The following FBXL17 variants were observed in gnomAD, a reference collection of about 807,000 sequenced individuals.
FBXL17 encodes F-box/LRR-repeat protein 17.
Under a neutral mutation model 66.2 loss-of-function variants are expected in FBXL17, and 22 were observed. The observed-to-expected ratio is 0.33, with a 90% CI of 0.24 to 0.47. FBXL17 has a LOEUF of 0.47. Among genes scored for constraint, FBXL17 ranks in the 20% least tolerant of loss-of-function variants. The pLI is 1.00. For synonymous variants in FBXL17, 474 were observed against 400.5 expected, an observed-to-expected ratio of 1.18 and a Z score of -2.19; for missense variants, 878 against 948.2, an observed-to-expected ratio of 0.93 and a Z score of 0.97.
chr5:107,936,534 C>A (rs941816155), intron 7 of FBXL17, among the ~76,000 whole-genome samples: 2 of 69,112 alleles, frequency 2.9e-5, no homozygotes, highest in Admixed American at 1.5e-4. Context: ...CCACCTTCTA[C>A]CTTGGCAGAT....
At chr5:108,160,226 CA>C (rs1752155687) in intron 6 of FBXL17, among the ~76,000 whole-genome samples, 1 of 152,056 alleles carries the variant, frequency 6.6e-6, no homozygotes, top group African/African-American at 2.4e-5. Context: ...TCTGCAGCAC[CA>C]AAGGCTTTTA....
At chr5:108,338,687 G>A (rs556413794) in intron 4 of FBXL17, among the ~76,000 whole-genome samples, 2 of 152,084 alleles carry the variant, frequency 1.3e-5, no homozygotes, top group African/African-American at 4.8e-5. Context: ...AAACAGTATG[G>A]ACTTATCTGG....
At chr5:108,331,095 T>C (rs188613160) in intron 4 of FBXL17, among the ~76,000 whole-genome samples, 308 of 152,272 alleles carry the variant, frequency 2.0e-3, no homozygotes, top group Non-Finnish European at 3.4e-3. Context: ...ATAAATACAA[T>C]TGATCATAAC....
intron 7 of FBXL17, among the ~76,000 whole-genome samples, chr5:108,018,104 A>G (rs1027008430): frequency 6.6e-6 from 1 of 152,136 alleles, no homozygotes; most frequent in Non-Finnish European, 1.5e-5. Flanking sequence ...ACCCACCACC[A>G]TAGAAAGAGG....
intron 8 of FBXL17, among the ~76,000 whole-genome samples, chr5:107,868,575 T>C (rs564042389): frequency 6.6e-6 from 1 of 152,318 alleles, no homozygotes; most frequent in Non-Finnish European, 1.5e-5. Flanking sequence ...TAAAAACACT[T>C]TCCCTTGTTA....
intron 6 of FBXL17, among the ~76,000 whole-genome samples, chr5:108,049,496 A>G (rs147014751): frequency 4.9e-4 from 74 of 152,190 alleles, no homozygotes; most frequent in African/African-American, 1.7e-3. Flanking sequence ...TAACCTTCAT[A>G]AGTGAAGGAT....
chr5:108,298,321 G>T (rs1758433272), intron 4 of FBXL17: 1 of 983,956 alleles, frequency 1.0e-6, no homozygotes, highest in South Asian at 4.7e-5. Flanking sequence ...AAAACAGAAA[G>T]CACTGAGAAA....
At chr5:108,008,888 A>G (rs1754037943) in intron 7 of FBXL17, among the ~76,000 whole-genome samples, 1 of 152,060 alleles carries the variant, frequency 6.6e-6, no homozygotes, top group African/African-American at 2.4e-5. Flanking sequence ...TTTATTTCTA[A>G]TAGTAGAACA....
intron 6 of FBXL17, among the ~76,000 whole-genome samples, chr5:108,057,543 A>G (rs902956606): frequency 6.6e-6 from 1 of 152,176 alleles, no homozygotes; most frequent in Admixed American, 6.5e-5. Flanking sequence ...TTTCTGATGC[A>G]TGGATTTGAT....
At chr5:107,959,381 AACAC>A (rs57041975) in intron 7 of FBXL17, among the ~76,000 whole-genome samples, 28,955 of 147,848 alleles carry the variant, frequency 0.2, 3,131 homozygotes, top group Middle Eastern at 0.28. Flanking sequence ...GGCTGCTATA[AACAC>A]ACACACACAC....
At position 108,225,019 on chromosome 5, in the gene FBXL17, C is replaced by A. The variant is rs943435268; in HGVS notation, c.1507-791G>T. On this transcript the variant is annotated intron_variant, in intron 4 of 8. Coordinates refer to ENST00000542267, the MANE Select transcript of FBXL17 (RefSeq NM_001163315.3). ...TCAGTATATTCGCAAGTTTATGCAC[C>A]ATTACCGATATCTAATTCCAGAACA... Among the ~76,000 whole-genome samples, 5 of 152,208 alleles carry A rather than the reference C, an allele frequency of 3.3e-5. No homozygotes were observed. In the East Asian group the frequency reaches 7.7e-4, roughly 24 times the overall value.
intron 4 of FBXL17, among the ~76,000 whole-genome samples, chr5:108,255,542 T>C (rs1756539824): frequency 6.6e-6 from 1 of 152,156 alleles, no homozygotes; most frequent in Admixed American, 6.6e-5. Flanking sequence ...TCCTGGTTTA[T>C]GGAAATTTAA....
chr5:108,077,558 G>A (rs1748599983), intron 6 of FBXL17, among the ~76,000 whole-genome samples: 1 of 151,824 alleles, frequency 6.6e-6, no homozygotes, highest in Non-Finnish European at 1.5e-5. Flanking sequence ...AGCTACATAT[G>A]AGGCTGAGGC....
rs539488770 is a variant in FBXL17, at chr5:108,039,822, C to A, written c.1746-18821G>T. ...AGGTTTAATTTAATATAGTCCCCAT[C>A]TCAAAGATGTTAGAAAATGTAACAA... On this transcript the variant is annotated intron_variant, in intron 6 of 8. Coordinates refer to ENST00000542267, the MANE Select transcript of FBXL17 (RefSeq NM_001163315.3). Among the ~76,000 whole-genome samples, 24 of 152,094 alleles carry A rather than the reference C, an allele frequency of 1.6e-4. No homozygotes were observed. The South Asian group carries it at 4.8e-3, about 30-fold the overall frequency.
chr5:108,027,923 T>C (rs1306482236), intron 6 of FBXL17, among the ~76,000 whole-genome samples: 2 of 152,148 alleles, frequency 1.3e-5, no homozygotes, highest in Non-Finnish European at 2.9e-5. Flanking sequence ...TTTGTGAGTT[T>C]CCATCAATTC....
chr5:108,323,557 C>A (rs969178327), intron 4 of FBXL17, among the ~76,000 whole-genome samples: 1 of 151,966 alleles, frequency 6.6e-6, no homozygotes, highest in Non-Finnish European at 1.5e-5. Context: ...CAATCCCTAT[C>A]AAAATCTGAA....
At chr5:107,979,193 C>T (rs1407391132) in intron 7 of FBXL17, among the ~76,000 whole-genome samples, 1 of 152,154 alleles carries the variant, frequency 6.6e-6, no homozygotes, top group African/African-American at 2.4e-5. Context: ...ATATACATGT[C>T]TCCTTGGAGT....
Position 107,879,006 on chromosome 5 carries a change from T to C in FBXL17, c.1965+2031A>G, listed in dbSNP as rs144827012. ...CCCTCAGGGATACAGCTAATCTGAA[T>C]ACTGTCTCTATTTAATTTTGGACTA... On this transcript the variant is annotated intron_variant, in intron 8 of 8. Transcript: ENST00000542267. 7.2e-5 allele frequency: 71 copies of C among 985,476 alleles called. No individual in the cohort carries two copies. In the African/African-American group the frequency reaches 1.2e-3, roughly 16 times the overall value. 61.0% of individuals were successfully genotyped at this position (985,476 alleles called of 1,614,324 possible).
intron 6 of FBXL17, among the ~76,000 whole-genome samples, chr5:108,049,829 T>A (rs577494629): frequency 1.4e-3 from 219 of 152,272 alleles, no homozygotes; most frequent in Admixed American, 3.1e-3. Context: ...CAGTGGGCTG[T>A]ATTCAGGAGA....
Sources: allele counts gnomAD v4.1 joint callset (sites outside exome capture counted in the v4.1 genomes callset), GRCh38; gene constraint gnomAD v4.1.1; transcripts MANE v1.5; gene names NCBI Gene and HGNC (gene_info 2026-07-23, HGNC 2026-07-21).